The following SRRM4 variants were observed in gnomAD, a reference collection of about 807,000 sequenced individuals.
The protein encoded by SRRM4 is serine/arginine repetitive matrix 4, also known as serine/arginine repetitive matrix protein 4.
In SRRM4, 33 loss-of-function variants were observed where a neutral mutation model predicts 68.9. The ratio of observed to expected loss-of-function variants is 0.48; its 90% CI spans 0.36 to 0.64. The LOEUF is 0.64. Among genes scored for constraint, SRRM4 ranks in the 30% least tolerant of loss-of-function variants. The pLI, the probability that SRRM4 is intolerant of heterozygous loss-of-function variation, is 0.00. For synonymous variants in SRRM4, 318 were observed against 318.8 expected (o/e 1.00, Z 0.03); for missense variants, 817 against 827.1 (o/e 0.99, Z 0.15).
At chr12:119,044,864 G>A (rs77781856) in intron 1 of SRRM4, among the ~76,000 whole-genome samples, 2 of 152,158 alleles carry the variant, frequency 1.3e-5, no homozygotes, top group East Asian at 1.9e-4. Context: ...GGCAATGGGG[G>A]CATAGTGGGT....
At chr12:119,120,189 CTT>C in intron 4 of SRRM4, 59 bp from the exon 5 acceptor site, 1 of 1,261,036 alleles carries the variant, frequency 7.9e-7, no homozygotes, top group Non-Finnish European at 1.1e-6. Flanking sequence ...CTCTCCCTCT[CTT>C]TCTCTGCCTT....
intron 1 of SRRM4, among the ~76,000 whole-genome samples, chr12:119,027,415 T>A (rs545455698): frequency 7.8e-4 from 119 of 152,352 alleles, no homozygotes; most frequent in African/African-American, 2.8e-3. Context: ...CGTCCCTTTT[T>A]CAATGGCAAT....
chr12:119,070,351 C>A (rs1953870472), intron 1 of SRRM4, among the ~76,000 whole-genome samples: 1 of 152,092 alleles, frequency 6.6e-6, no homozygotes, highest in Non-Finnish European at 1.5e-5. Flanking sequence ...GTGAACAGGA[C>A]AGACCACAGA....
At chr12:119,128,649 G>A (rs1181295676) in intron 7 of SRRM4, among the ~76,000 whole-genome samples, 1 of 152,162 alleles carries the variant, frequency 6.6e-6, no homozygotes. Flanking sequence ...GCCTTTTGGT[G>A]GGCAAAGGGA....
chr12:119,054,992 A>G (rs987427107), intron 1 of SRRM4, among the ~76,000 whole-genome samples: 1 of 152,052 alleles, frequency 6.6e-6, no homozygotes, highest in African/African-American at 2.4e-5. Context: ...GCTTAAAATG[A>G]CCAGGGTGGG....
chr12:119,087,570 A>G (rs1953987042), intron 1 of SRRM4, among the ~76,000 whole-genome samples: 3 of 151,724 alleles, frequency 2.0e-5, no homozygotes, highest in Admixed American at 1.3e-4. Flanking sequence ...TGGAGGGAAT[A>G]TTGGTCGATG....
At chr12:119,067,864 A>G (rs566017181) in intron 1 of SRRM4, among the ~76,000 whole-genome samples, 82 of 152,332 alleles carry the variant, frequency 5.4e-4, no homozygotes, top group African/African-American at 1.8e-3. Flanking sequence ...GAGGTAATAC[A>G]GTGGGTGGAG....
intron 7 of SRRM4, among the ~76,000 whole-genome samples, chr12:119,130,012 A>ATGGATGG (rs1954285387): frequency 1.1e-5 from 1 of 88,482 alleles, no homozygotes; most frequent in Non-Finnish European, 2.4e-5. Context: ...TGGATGGATG[A>ATGGATGG]ATGCATAGAT....
At chr12:119,052,598 G>C (rs894454820) in intron 1 of SRRM4, among the ~76,000 whole-genome samples, 1 of 152,004 alleles carries the variant, frequency 6.6e-6, no homozygotes, top group Non-Finnish European at 1.5e-5. Flanking sequence ...GCGCGATCTC[G>C]GCTCACCGCA....
chr12:119,087,088 A>G (rs1953983706), intron 1 of SRRM4, among the ~76,000 whole-genome samples: 1 of 152,226 alleles, frequency 6.6e-6, no homozygotes, highest in Non-Finnish European at 1.5e-5. Context: ...CTGGAGTCAG[A>G]TCGTCTGGGT....
chr12:118,983,039 C>T (rs545897715), intron 1 of SRRM4, among the ~76,000 whole-genome samples: 200 of 152,214 alleles, frequency 1.3e-3, no homozygotes, highest in African/African-American at 4.4e-3. Context: ...AGGGGGACCA[C>T]TTGGAGGATT....
intron 3 of SRRM4, among the ~76,000 whole-genome samples, chr12:119,115,715 A>G (rs1409503064): frequency 3.9e-5 from 6 of 152,218 alleles, no homozygotes; most frequent in Non-Finnish European, 7.3e-5. Flanking sequence ...ACTCTAAAAA[A>G]GGAAACCTCA....
intron 1 of SRRM4, among the ~76,000 whole-genome samples, chr12:119,062,709 G>C (rs564407422): frequency 6.6e-6 from 1 of 152,332 alleles, no homozygotes; most frequent in Admixed American, 6.5e-5. Context: ...ATCACTAGGT[G>C]ATAAGAATTT....
intron 4 of SRRM4, among the ~76,000 whole-genome samples, chr12:119,117,406 ATC>A (rs1399094002): frequency 9.2e-5 from 14 of 152,070 alleles, no homozygotes; most frequent in Admixed American, 7.9e-4. Context: ...GAGACACTGA[ATC>A]TCTCTGTCTT....
rs868801553 is a variant in SRRM4, at chr12:119,153,633, C to A, written c.1375C>A (p.Arg459Ser). The change falls in exon 11 of 13, where the codon CGC (arginine) becomes AGC (serine). Residue 459 changes from arginine (R) to serine (S), a missense_variant. By Grantham distance (110) the Arg-to-Ser change is moderately radical. Coordinates refer to ENST00000267260, the MANE Select transcript of SRRM4 (RefSeq NM_194286.4). ...GTCCCGCCGCAGCCCTAGCTACTCC[C>A]GCTACAGCCCCAGCAGGTACCGGCC... ...SRSRRSPSYS[R>S]YSPSRERDPK... 1.3e-6 allele frequency: 2 copies of A among 1,557,628 alleles called. No individual in the cohort carries two copies. Among genetic ancestry groups the A allele is most frequent in the Non-Finnish European group, 1.7e-6 (2 of 1,152,534 alleles).
intron 1 of SRRM4, among the ~76,000 whole-genome samples, chr12:119,073,157 T>TG (rs1953888232): frequency 2.0e-5 from 3 of 152,122 alleles, no homozygotes; most frequent in Admixed American, 2.0e-4. Flanking sequence ...CCAAATGAAT[T>TG]GCCTGGTCTG....
intron 9 of SRRM4, among the ~76,000 whole-genome samples, chr12:119,147,970 C>T (rs960826310): frequency 6.6e-6 from 1 of 152,224 alleles, no homozygotes; most frequent in Non-Finnish European, 1.5e-5. Flanking sequence ...CTCTGCCAGA[C>T]ACTCAGCCTG....
intron 1 of SRRM4, chr12:119,037,024 ATGGATTG>A (rs1953632237): frequency 6.6e-6 from 1 of 152,164 alleles, no homozygotes; most frequent in Non-Finnish European, 1.5e-5. Flanking sequence ...GGTCTTAGAA[ATGGATTG>A]TGGTGGAAAC....
intron 1 of SRRM4, among the ~76,000 whole-genome samples, chr12:119,074,232 A>G (rs1565902444): frequency 2.0e-5 from 3 of 151,962 alleles, no homozygotes; most frequent in Non-Finnish European, 4.4e-5. Flanking sequence ...TTTACTGGGT[A>G]TTTCTGATGT....
Sources: allele counts gnomAD v4.1 joint callset (sites outside exome capture counted in the v4.1 genomes callset), GRCh38; gene constraint gnomAD v4.1.1; transcripts MANE v1.5; gene names NCBI Gene and HGNC (gene_info 2026-07-23, HGNC 2026-07-21).